The following SYT1 variants were observed in gnomAD, a reference collection of about 807,000 sequenced individuals.
SYT1 encodes synaptotagmin-1.
In SYT1, 8 loss-of-function variants were observed where a neutral mutation model predicts 44.8. The observed-to-expected ratio is 0.18, with a 90% CI of 0.10 to 0.32. SYT1 has a LOEUF of 0.32. Ranked by LOEUF, SYT1 falls within the 10% of genes least tolerant of loss-of-function variation. The probability of loss-of-function intolerance (pLI) is 1.00; values close to 1 mark genes in which losing one functional copy is unlikely to be tolerated. For synonymous variants in SYT1, 154 were observed against 188.8 expected, an observed-to-expected ratio of 0.82 and a Z score of 1.51; for missense variants, 286 against 509.3, an observed-to-expected ratio of 0.56 and a Z score of 4.22.
chr12:79,256,085 C>A (rs1023970486), intron 4 of SYT1, among the ~76,000 whole-genome samples: 2 of 152,132 alleles, frequency 1.3e-5, no homozygotes, highest in African/African-American at 2.4e-5. Context: ...GCTCTGCAAC[C>A]ACTTGTGGCT....
At chr12:79,215,443 A>C (rs1301365092) in intron 3 of SYT1, among the ~76,000 whole-genome samples, 1 of 152,194 alleles carries the variant, frequency 6.6e-6, no homozygotes, top group East Asian at 1.9e-4. Context: ...CAAAAGAAGA[A>C]ACTGAAAAAC....
At chr12:79,434,320 A>G (rs886208565) in intron 9 of SYT1, among the ~76,000 whole-genome samples, 1 of 152,170 alleles carries the variant, frequency 6.6e-6, no homozygotes, top group Non-Finnish European at 1.5e-5. Flanking sequence ...TTCCCCAAAT[A>G]TATTTTTAAT....
chr12:79,110,706 A>G (rs1378580756), intron 3 of SYT1, among the ~76,000 whole-genome samples: 6 of 152,216 alleles, frequency 3.9e-5, no homozygotes, highest in Non-Finnish European at 8.8e-5. Context: ...GAAGTATAAC[A>G]TGAATTAAAC....
intron 2 of SYT1, among the ~76,000 whole-genome samples, chr12:79,014,904 C>T (rs1022684891): frequency 4.2e-4 from 64 of 152,126 alleles, no homozygotes; most frequent in Admixed American, 1.5e-3. Context: ...AGTTCATGTC[C>T]TTTGTAGGGA....
Position 79,226,778 on chromosome 12 carries a change from T to C in SYT1, c.166+9093T>C, listed in dbSNP as rs74571413. Among the ~76,000 whole-genome samples, 4 of 152,298 alleles carry C rather than the reference T, an allele frequency of 2.6e-5. No individual in the cohort carries two copies. The East Asian group carries it at 7.7e-4, about 29-fold the overall frequency. On this transcript the variant is annotated intron_variant, in intron 4 of 10. Transcript: ENST00000261205. ...TATTAAAAGTGTGTAATAGTATGTA[T>C]TTTACACTTTCATTTTAATCCGTCA...
intron 2 of SYT1, among the ~76,000 whole-genome samples, chr12:79,007,506 C>T (rs535431145): frequency 6.6e-6 from 1 of 152,176 alleles, no homozygotes; most frequent in East Asian, 1.9e-4. Context: ...AGCTGTTTAA[C>T]CATCATGTGG....
chr12:79,366,661 C>G (rs1364986391), intron 9 of SYT1, among the ~76,000 whole-genome samples: 2 of 152,146 alleles, frequency 1.3e-5, no homozygotes, highest in Admixed American at 6.6e-5. Context: ...GGATCGGAAG[C>G]CTTTAACCTT....
At chr12:79,057,378 A>G (rs992057940) in intron 3 of SYT1, among the ~76,000 whole-genome samples, 1 of 151,994 alleles carries the variant, frequency 6.6e-6, no homozygotes, top group African/African-American at 2.4e-5. Flanking sequence ...AAAGCTCAAA[A>G]TACATTGGTT....
At chr12:79,208,137 T>C (rs959386163) in intron 3 of SYT1, among the ~76,000 whole-genome samples, 1 of 152,170 alleles carries the variant, frequency 6.6e-6, no homozygotes, top group Non-Finnish European at 1.5e-5. Flanking sequence ...CTTCATGCTT[T>C]CCCACCTGCT....
chr12:78,938,696 C>T (rs1878196321), intron 1 of SYT1, among the ~76,000 whole-genome samples: 1 of 152,114 alleles, frequency 6.6e-6, no homozygotes, highest in Non-Finnish European at 1.5e-5. Flanking sequence ...TTACTCATAA[C>T]ACAAATTAAA....
chr12:79,449,717 G>A lies in SYT1; in HGVS notation c.*593G>A, dbSNP rs1287325934. ...ATACTTGGTGGGTGAATCCAATTTTGTAGAATTCCTACACAGGCAAAATAG... is the reference window on the plus strand; with the variant it reads ...ATACTTGGTGGGTGAATCCAATTTTATAGAATTCCTACACAGGCAAAATAG... On this transcript the variant is annotated 3_prime_UTR_variant, in exon 11 of 11. Transcript: ENST00000261205. 1 of 152,368 alleles carries A rather than the reference G, an allele frequency of 6.6e-6. No individual in the cohort carries two copies. The highest frequency in any genetic ancestry group is 1.5e-5 in the Non-Finnish European group (1 of 68,198). 9.4% of individuals were successfully genotyped at this position (152,368 alleles called of 1,614,324 possible). A position where few individuals can be genotyped will look rare whatever the true frequency, so the allele number is the denominator to read the frequency against.
intron 3 of SYT1, among the ~76,000 whole-genome samples, chr12:79,048,781 T>G (rs1052979722): frequency 2.6e-5 from 4 of 151,878 alleles, no homozygotes; most frequent in East Asian, 3.9e-4. Flanking sequence ...ATATAACAAT[T>G]TTTGAAACCT....
chr12:79,181,641 G>A (rs955319040), intron 3 of SYT1, among the ~76,000 whole-genome samples: 7 of 151,882 alleles, frequency 4.6e-5, no homozygotes, highest in African/African-American at 1.7e-4. Context: ...GCTAAGTGTG[G>A]CAGACCAGGT....
chr12:79,381,831 AG>A (rs1884235046), intron 9 of SYT1, among the ~76,000 whole-genome samples: 1 of 152,150 alleles, frequency 6.6e-6, no homozygotes, highest in East Asian at 1.9e-4. Context: ...TGTCCAGCTG[AG>A]GGGTGCTTTT....
At chr12:79,160,369 C>G (rs1488016167) in intron 3 of SYT1, among the ~76,000 whole-genome samples, 1 of 152,050 alleles carries the variant, frequency 6.6e-6, no homozygotes, top group Non-Finnish European at 1.5e-5. Context: ...ATTTTGGATG[C>G]ATCTAAGTGA....
chr12:79,431,217 T>C (rs947349616), intron 9 of SYT1, among the ~76,000 whole-genome samples: 1 of 152,186 alleles, frequency 6.6e-6, no homozygotes, highest in Admixed American at 6.5e-5. Flanking sequence ...TGCAAAGAAT[T>C]AAAACTTTTC....
chr12:79,369,043 TA>T (rs1883677978), intron 9 of SYT1, among the ~76,000 whole-genome samples: 2 of 152,228 alleles, frequency 1.3e-5, no homozygotes, highest in South Asian at 4.1e-4. Context: ...TACTAATTGC[TA>T]AATTTGCCCA....
At position 78,973,941 on chromosome 12, in the gene SYT1, ATATATATATATAT is replaced by A. The variant is rs1868615728; in HGVS notation, c.-216-3857_-216-3845del. Among the ~76,000 whole-genome samples, 60 of 10,746 alleles carry A rather than the reference ATATATATATATAT, an allele frequency of 5.6e-3. 6 individuals are homozygous for A. The highest frequency in any genetic ancestry group is 6.8e-3 in the Admixed American group (4 of 586). 7.0% of individuals were successfully genotyped at this position (10,746 alleles called of 152,430 possible). A position where few individuals can be genotyped will look rare whatever the true frequency, so the allele number is the denominator to read the frequency against. On this transcript the variant is annotated intron_variant, in intron 1 of 10. Transcript: ENST00000261205. Reference sequence around the variant, plus strand: ...CAAAAAAAAAAAAAAAAAAAAAAATATATATATATATATATATATATATATATATATATATATA... The same window carrying A: ...CAAAAAAAAAAAAAAAAAAAAAAATAATATATATATATATATATATATATA...
At chr12:78,977,207 G>A (rs1439913674) in intron 1 of SYT1, among the ~76,000 whole-genome samples, 7 of 152,186 alleles carry the variant, frequency 4.6e-5, no homozygotes, top group Admixed American at 2.0e-4. Context: ...CTACCACCCA[G>A]ATGCTTTAGT....
Sources: allele counts gnomAD v4.1 joint callset (sites outside exome capture counted in the v4.1 genomes callset), GRCh38; gene constraint gnomAD v4.1.1; transcripts MANE v1.5; gene names NCBI Gene and HGNC (gene_info 2026-07-23, HGNC 2026-07-21).